Variants in GPR161 observed in about 807,000 individuals in gnomAD.
The protein encoded by GPR161 is G-protein coupled receptor RE2.
A neutral mutation model predicts 39.2 loss-of-function variants in GPR161; 25 were observed. That is an observed-to-expected ratio of 0.64 (90% confidence interval 0.47 to 0.89). GPR161 has a LOEUF of 0.89. Ranked by LOEUF, GPR161 falls within the 40% of genes least tolerant of loss-of-function variation. The pLI, the probability that GPR161 is intolerant of heterozygous loss-of-function variation, is 0.00. For synonymous variants in GPR161, 286 were observed against 276.6 expected (o/e 1.03, Z -0.34); for missense variants, 547 against 677.8 (o/e 0.81, Z 2.14).
rs192741375 is a variant in GPR161, at chr1:168,083,664, A to G, written c.*1867T>C. On this transcript the variant is annotated 3_prime_UTR_variant, in exon 6 of 6. Coordinates refer to ENST00000682931, the MANE Select transcript of GPR161 (RefSeq NM_001375883.1). ...GCAGAGTGTCTGACCTGCACAGGTG[A>G]ACCTGCCCTCTGCTCCTTCCCACTC... The G allele has an allele frequency of 6.6e-6, 1 of 150,928 alleles. No individual in the cohort carries two copies. The highest frequency in any genetic ancestry group is 1.5e-5 in the Non-Finnish European group (1 of 67,216). 9.3% of individuals were successfully genotyped at this position (150,928 alleles called of 1,614,324 possible).
At chr1:168,119,258 GTA>G (rs1491461176) in intron 1 of GPR161, among the ~76,000 whole-genome samples, 1 of 94,958 alleles carries the variant, frequency 1.1e-5, no homozygotes, top group East Asian at 3.0e-4. Context: ...ATATATATAC[GTA>G]TATATATGTG....
intron 3 of GPR161, among the ~76,000 whole-genome samples, chr1:168,092,301 C>T (rs1193134224): frequency 2.0e-5 from 3 of 152,188 alleles, no homozygotes; most frequent in South Asian, 2.1e-4. Context: ...TGGCTGAAGC[C>T]GCAGTGGGTT....
chr1:168,087,572 CA>C lies in GPR161; in HGVS notation c.1324+12del. 1 of 1,613,980 alleles carries C rather than the reference CA, an allele frequency of 6.2e-7. No individual in the cohort carries two copies. Among genetic ancestry groups the C allele is most frequent in the African/African-American group, 1.3e-5 (1 of 75,038 alleles). On this transcript the variant is annotated intron_variant, in intron 5 of 5. Transcript: ENST00000682931. ...CCTATGTTTTCTTGAAGCAATCAGT[CA>C]CAGAAGCCAACCTTTGATTTGTTCC...
chr1:168,086,599 G>A (rs545698879), intron 5 of GPR161, among the ~76,000 whole-genome samples: 1 of 152,288 alleles, frequency 6.6e-6, no homozygotes, highest in East Asian at 1.9e-4. Context: ...TGCACCACCT[G>A]GAGGGTGCCT....
In GPR161 at chr1:168,096,593, C is replaced by T; in HGVS notation, c.1014G>A (p.Met338Ile). ...CCCGATAATACCGGTCCCCAAAGCA[C>T]ATGCCCAGTAGTTCTTTGCGAACTG... ...NKTVRKELLGMCFGDRYYREP... is the reference protein window; with the variant it reads ...NKTVRKELLGICFGDRYYREP... Residue 338 changes from methionine to isoleucine, a missense_variant, in exon 3 of 6, where the codon ATG becomes ATA. Coordinates refer to ENST00000682931, the MANE Select transcript of GPR161 (RefSeq NM_001375883.1). 11 of 1,614,238 alleles carry T rather than the reference C, an allele frequency of 6.8e-6. No homozygotes were observed. Among genetic ancestry groups the T allele is most frequent in the Non-Finnish European group, 8.5e-6 (10 of 1,180,038 alleles).
chr1:168,087,334 GGTGTGTGT>G (rs142900649), intron 5 of GPR161, among the ~76,000 whole-genome samples: 3 of 148,684 alleles, frequency 2.0e-5, no homozygotes, highest in East Asian at 2.0e-4. Flanking sequence ...AACACGTGTG[GGTGTGTGT>G]GTGTGTGTGT....
intron 1 of GPR161, among the ~76,000 whole-genome samples, chr1:168,117,511 C>A (rs1240729351): frequency 6.6e-6 from 1 of 152,158 alleles, no homozygotes; most frequent in Non-Finnish European, 1.5e-5. Flanking sequence ...CCCCCCCCTG[C>A]ATCAGTCTCC....
chr1:168,096,285 G>A (rs1416021407), intron 3 of GPR161, among the ~76,000 whole-genome samples: 1 of 152,196 alleles, frequency 6.6e-6, no homozygotes, highest in Non-Finnish European at 1.5e-5. Flanking sequence ...GGGCACCAGG[G>A]AGCTCTGCTG....
At chr1:168,102,141 A>C (rs1033961045) in intron 2 of GPR161, among the ~76,000 whole-genome samples, 2 of 152,188 alleles carry the variant, frequency 1.3e-5, no homozygotes, top group Non-Finnish European at 1.5e-5. Context: ...ATGTATTCCC[A>C]GCACCAACCA....
rs544646534 is a variant in GPR161, at chr1:168,093,001, G to A, written c.1100-2333C>T. On this transcript the variant is annotated intron_variant, in intron 3 of 5. Coordinates refer to ENST00000682931, the MANE Select transcript of GPR161 (RefSeq NM_001375883.1). ...GTGCTCGGGCTCTCCAGCCCTGGCTGGAGTGAAGGTTCTGGGTCGGCCAGC... is the reference window on the plus strand; with the variant it reads ...GTGCTCGGGCTCTCCAGCCCTGGCTAGAGTGAAGGTTCTGGGTCGGCCAGC... Among the ~76,000 whole-genome samples the A allele has an allele frequency of 1.6e-3, 238 of 152,262 alleles. 1 individual carries two copies. The highest frequency in any genetic ancestry group is 2.8e-3 in the Admixed American group (43 of 15,306).
Position 168,083,601 on chromosome 1 carries a change from A to G in GPR161, c.*1930T>C, listed in dbSNP as rs560776202. 1 of 152,338 alleles carries G rather than the reference A, an allele frequency of 6.6e-6. No individual in the cohort carries two copies. The highest frequency in any genetic ancestry group is 1.9e-4 in the East Asian group (1 of 5,188). The allele number at this position is 152,338 out of a possible 1,614,324, so 9.4% of individuals were successfully genotyped here. A position where few individuals can be genotyped will look rare whatever the true frequency, so the allele number is the denominator to read the frequency against. The stretch of plus-strand genomic sequence containing the variant: ...CAGGGAATATATATAGAAAACGTGA[A>G]CCACACGCAGACGTAGGAATGCCAT... On this transcript the variant is annotated 3_prime_UTR_variant, in exon 6 of 6. Transcript: ENST00000682931.
intron 1 of GPR161, among the ~76,000 whole-genome samples, chr1:168,131,230 C>A (rs944810226): frequency 2.6e-5 from 4 of 152,002 alleles, no homozygotes; most frequent in Admixed American, 2.0e-4. Flanking sequence ...CCTTACCCCC[C>A]ACACCAATCT....
rs893452563 is a variant in GPR161, at chr1:168,081,666, C to T, written c.*3865G>A. 2.0e-5 allele frequency: 3 copies of T among 152,258 alleles called. No individual in the cohort carries two copies. The highest frequency in any genetic ancestry group is 2.9e-5 in the Non-Finnish European group (2 of 68,060). The allele number at this position is 152,258 out of a possible 1,614,324, so 9.4% of individuals were successfully genotyped here. Reference sequence around the variant, plus strand: ...GAAAACACCCATGTAATTGGAAGCACGGGATCTGAACTCATGACTTAACCA... The same window carrying T: ...GAAAACACCCATGTAATTGGAAGCATGGGATCTGAACTCATGACTTAACCA... On this transcript the variant is annotated 3_prime_UTR_variant, in exon 6 of 6. Transcript: ENST00000682931.
intron 1 of GPR161, among the ~76,000 whole-genome samples, chr1:168,128,852 C>T (rs1320836236): frequency 2.0e-5 from 3 of 152,178 alleles, no homozygotes; most frequent in African/African-American, 7.2e-5. Flanking sequence ...GGGCTGTCCC[C>T]TCCCTCCCTC....
chr1:168,085,486 C>G lies in GPR161; in HGVS notation c.*45G>C. On this transcript the variant is annotated 3_prime_UTR_variant, in exon 6 of 6. Coordinates refer to ENST00000682931, the MANE Select transcript of GPR161 (RefSeq NM_001375883.1). ...CACAGGCGGTGATGGGAACTCCTCC[C>G]CGGGCCAGCCTCTCAGGCTGCAGCC... The G allele has an allele frequency of 6.4e-7, 1 of 1,573,362 alleles. No individual in the cohort carries two copies. Among genetic ancestry groups the G allele is most frequent in the Non-Finnish European group, 8.7e-7 (1 of 1,154,244 alleles).
rs1301128211 is a variant in GPR161, at chr1:168,092,050, G to C, written c.1100-1382C>G. On this transcript the variant is annotated intron_variant, in intron 3 of 5. Transcript: ENST00000682931. Reference sequence around the variant, plus strand: ...CAAGGAGGACATGGTGTGGGAAGGCGGGGTGGTCACAGCAGGCTTCTCTCA... The same window carrying C: ...CAAGGAGGACATGGTGTGGGAAGGCCGGGTGGTCACAGCAGGCTTCTCTCA... 2.0e-5 allele frequency among the ~76,000 whole-genome samples: 3 copies of C among 152,214 alleles called. No individual in the cohort carries two copies. In the South Asian group the frequency reaches 6.2e-4, roughly 31 times the overall value.
At chr1:168,103,627 C>T (rs1383109207) in intron 2 of GPR161, among the ~76,000 whole-genome samples, 1 of 152,108 alleles carries the variant, frequency 6.6e-6, no homozygotes, top group Non-Finnish European at 1.5e-5. Context: ...CTTGTGTCAC[C>T]CAGTGACAAT....
rs1303252998 is a variant in GPR161, at chr1:168,096,800, G to A, written c.807C>T (p.Leu269=). The A allele has an allele frequency of 1.2e-6, 2 of 1,614,172 alleles. No homozygotes were observed. Among genetic ancestry groups the A allele is most frequent in the East Asian group, 2.2e-5 (1 of 44,882 alleles). The part of the protein sequence containing the change: ...VVYSANQCKA[L]ITILVVLGAF... ...CACCGAGGACCACCAGGATGGTGATGAGGGCTTTGCACTGGTTGGCCGAGT... is the reference window on the plus strand; with the variant it reads ...CACCGAGGACCACCAGGATGGTGATAAGGGCTTTGCACTGGTTGGCCGAGT... The change falls in exon 3 of 6, where the codon CTC becomes CTT. Residue 269 remains leucine (L), a synonymous_variant. Coordinates refer to ENST00000682931, the MANE Select transcript of GPR161 (RefSeq NM_001375883.1).
At chr1:168,135,231 A>G (rs1188794595) in intron 1 of GPR161, among the ~76,000 whole-genome samples, 1 of 152,172 alleles carries the variant, frequency 6.6e-6, no homozygotes, top group Admixed American at 6.5e-5. Context: ...CCAAGGCAAA[A>G]GATCTGAGTT....
Sources: gnomAD v4.1 joint callset for allele counts (sites outside exome capture counted in the v4.1 genomes callset) on GRCh38, gnomAD v4.1.1 for gene constraint, MANE v1.5 for transcripts, NCBI Gene and HGNC (gene_info 2026-07-23, HGNC 2026-07-21) for gene names.